GORAB: variants seen among roughly 807,000 people sequenced by gnomAD.
GORAB encodes the protein RAB6-interacting golgin.
A neutral mutation model predicts 29.9 loss-of-function variants in GORAB; 17 were observed. The ratio of observed to expected loss-of-function variants is 0.57; its 90% CI spans 0.39 to 0.85. GORAB has a LOEUF of 0.85. Ranked by LOEUF, GORAB falls within the 40% of genes least tolerant of loss-of-function variation. The pLI, the probability that GORAB is intolerant of heterozygous loss-of-function variation, is 0.00. For missense variants in GORAB, 442 were observed against 437.8 expected (o/e 1.01, Z -0.09); for synonymous variants, 183 against 157.2 (o/e 1.16, Z -1.23).
At chr1:170,542,410 C>T in intron 2 of GORAB, 81 bp from the exon 3 acceptor site, 1 of 814,108 alleles carries the variant, frequency 1.2e-6, no homozygotes, top group East Asian at 2.5e-5. Flanking sequence ...ACTTAGAGGA[C>T]TGAGACTGGT....
intron 4 of GORAB, among the ~76,000 whole-genome samples, chr1:170,547,019 G>A (rs994930582): frequency 4.6e-5 from 7 of 152,268 alleles, no homozygotes; most frequent in Admixed American, 1.3e-4. Context: ...AAGCTCTTGC[G>A]TTGAGTCAAA....
rs368371528 is a variant in GORAB, at chr1:170,542,555, C to T, written c.484C>T (p.Arg162Cys). 1.3e-5 allele frequency: 21 copies of T among 1,613,468 alleles called. No homozygotes were observed. The highest frequency in any genetic ancestry group is 1.6e-4 in the Middle Eastern group (1 of 6,080). Residue 162 changes from arginine to cysteine, a missense_variant, in exon 3 of 5, where the codon CGT (arginine) becomes TGT (cysteine). Transcript: ENST00000367763. ...ACGGCTAATGGAAGAGAAAAATAAA[C>T]GTAAAAAAGCTCTTTTGGCTAAAGC... is the stretch of plus-strand genomic sequence containing the variant. ...EQRLMEEKNK[R>C]KKALLAKAIA...
chr1:170,544,759 G>A lies in GORAB; in HGVS notation c.576G>A (p.Leu192=). 1 of 1,614,008 alleles carries A rather than the reference G, an allele frequency of 6.2e-7. No homozygotes were observed. Among genetic ancestry groups the A allele is most frequent in the Non-Finnish European group, 8.5e-7 (1 of 1,179,888 alleles). Residue 192 remains leucine, a synonymous_variant, in exon 4 of 5, where the codon TTG becomes TTA. Transcript: ENST00000367763. ...TMKLKRIQKE[L]QALDDMVSAD... is the part of the protein sequence containing the mutation. The stretch of plus-strand genomic sequence containing the variant: ...AACTAAAGCGGATCCAGAAGGAGTT[G>A]CAGGCTTTAGATGACATGGTGTCAG...
chr1:170,548,052 A>G (rs1333906222), intron 4 of GORAB, among the ~76,000 whole-genome samples: 1 of 152,230 alleles, frequency 6.6e-6, no homozygotes, highest in Non-Finnish European at 1.5e-5. Context: ...CATAAGAAGT[A>G]ATCCAAACTG....
At chr1:170,548,621 C>G (rs1452696639) in intron 4 of GORAB, among the ~76,000 whole-genome samples, 1 of 152,126 alleles carries the variant, frequency 6.6e-6, no homozygotes, top group Admixed American at 6.5e-5. Flanking sequence ...TTCTTTTATA[C>G]TTTCTGGAGG....
chr1:170,549,455 CT>C (rs1244781927), intron 4 of GORAB, among the ~76,000 whole-genome samples: 2 of 152,144 alleles, frequency 1.3e-5, no homozygotes, highest in Non-Finnish European at 2.9e-5. Context: ...ACCAAGGGAC[CT>C]GTTCGCAAAT....
At position 170,544,859 on chromosome 1, in the gene GORAB, A is replaced by G. The variant is rs575422604; in HGVS notation, c.662+14A>G. Reference sequence around the variant, plus strand: ...TTCATACGCTCGGTGAGTTGGGGAAATTGAATCTGAACAAGGAGTATGATT... The same window carrying G: ...TTCATACGCTCGGTGAGTTGGGGAAGTTGAATCTGAACAAGGAGTATGATT... On this transcript the variant is annotated intron_variant, in intron 4 of 4. Coordinates refer to ENST00000367763, the MANE Select transcript of GORAB (RefSeq NM_152281.3). 1 of 1,604,794 alleles carries G rather than the reference A, an allele frequency of 6.2e-7. No individual in the cohort carries two copies. The highest frequency in any genetic ancestry group is 1.7e-5 in the Admixed American group (1 of 59,898).
intron 2 of GORAB, among the ~76,000 whole-genome samples, chr1:170,541,134 G>C (rs1649390285): frequency 6.8e-6 from 1 of 147,802 alleles, no homozygotes; most frequent in African/African-American, 2.5e-5. Flanking sequence ...AACCTGGGAG[G>C]TGGACGTTGC....
At chr1:170,551,919 C>T in intron 4 of GORAB, 96 bp from the exon 5 acceptor site, 1 of 1,041,250 alleles carries the variant, frequency 9.6e-7, no homozygotes, top group Non-Finnish European at 1.5e-6. Flanking sequence ...TATATTTTTT[C>T]CCAATTTTGG....
At chr1:170,536,361 A>G (rs1649060479) in intron 1 of GORAB, 1 of 152,214 alleles carries the variant, frequency 6.6e-6, no homozygotes. Flanking sequence ...AGAAAAGGAA[A>G]TATGAAGAGA....
chr1:170,537,273 T>G (rs1649120176), intron 1 of GORAB, among the ~76,000 whole-genome samples: 1 of 152,190 alleles, frequency 6.6e-6, no homozygotes, highest in South Asian at 2.1e-4. Flanking sequence ...ATGTACTAGG[T>G]TAGCCATTGC....
Position 170,552,698 on chromosome 1 carries a change from CT to C in GORAB, c.*241del. On this transcript the variant is annotated 3_prime_UTR_variant, in exon 5 of 5. Coordinates refer to ENST00000367763, the MANE Select transcript of GORAB (RefSeq NM_152281.3). ...CGGTTCTTTCAGTGTTCCGTTTACC[CT>C]TTTTACTGAAAGTAAGTGACTTAAA... The C allele has an allele frequency of 1.8e-6, 1 of 563,482 alleles. No homozygotes were observed. 34.9% of individuals were successfully genotyped at this position (563,482 alleles called of 1,614,324 possible).
Position 170,552,398 on chromosome 1 carries a change from CCTTT to C in GORAB, c.1050_1053del (p.Phe350LeufsTer26), listed in dbSNP as rs1650179616. The C allele has an allele frequency of 6.2e-7, 1 of 1,614,086 alleles. No individual in the cohort carries two copies. Among genetic ancestry groups the C allele is most frequent in the Non-Finnish European group, 8.5e-7 (1 of 1,179,978 alleles). On this transcript the variant is annotated frameshift_variant, in exon 5 of 5. Coordinates refer to ENST00000367763, the MANE Select transcript of GORAB (RefSeq NM_152281.3). LOFTEE classifies it low-confidence loss of function (END_TRUNC). ...CAGTGTGGAAATTCCAGTAGCATCC[CCTTT>C]CTTAGTCCAAACTGCCCAAATCAAG...
chr1:170,550,797 T>C (rs945982745), intron 4 of GORAB, among the ~76,000 whole-genome samples: 2 of 152,170 alleles, frequency 1.3e-5, no homozygotes, highest in Non-Finnish European at 2.9e-5. Flanking sequence ...CTAATGGTAA[T>C]GAAATTAAAG....
chr1:170,532,217 C>A lies in GORAB; in HGVS notation c.-7C>A. On this transcript the variant is annotated 5_prime_UTR_variant, in exon 1 of 5. Transcript: ENST00000367763. ...GGCACTTTTGGGGGTGCCGGTGGCC[C>A]GGGCCGATGGCGCAAGGTTGGGCAG... is the stretch of plus-strand genomic sequence containing the variant. 6.2e-7 allele frequency: 1 copy of A among 1,613,956 alleles called. No individual in the cohort carries two copies. The highest frequency in any genetic ancestry group is 8.5e-7 in the Non-Finnish European group (1 of 1,179,996).
At chr1:170,543,950 T>C (rs899412390) in intron 3 of GORAB, among the ~76,000 whole-genome samples, 4 of 152,152 alleles carry the variant, frequency 2.6e-5, no homozygotes, top group Non-Finnish European at 5.9e-5. Context: ...CTATGTAACA[T>C]GGTGGATTTA....
intron 1 of GORAB, among the ~76,000 whole-genome samples, chr1:170,536,617 T>C (rs1024958956): frequency 2.0e-5 from 3 of 152,174 alleles, no homozygotes; most frequent in African/African-American, 7.2e-5. Context: ...TTCTTGTACA[T>C]GTAAAATAAG....
chr1:170,535,943 A>G (rs1649033850), intron 1 of GORAB, among the ~76,000 whole-genome samples: 1 of 152,122 alleles, frequency 6.6e-6, no homozygotes, highest in Non-Finnish European at 1.5e-5. Context: ...TATACTTAGT[A>G]TAGTAGTTAC....
At chr1:170,544,999 C>G in intron 4 of GORAB, 154 bp downstream of exon 4, 1 of 1,377,480 alleles carries the variant, frequency 7.3e-7, no homozygotes, top group South Asian at 2.0e-5. Flanking sequence ...ATTCAAGTGT[C>G]TCCTCTTCAG....
Sources: allele counts gnomAD v4.1 joint callset (sites outside exome capture counted in the v4.1 genomes callset), GRCh38; gene constraint gnomAD v4.1.1; transcripts MANE v1.5; gene names NCBI Gene and HGNC (gene_info 2026-07-23, HGNC 2026-07-21).